Variants in SYNJ2 observed in about 807,000 individuals in gnomAD.
The protein encoded by SYNJ2 is polyphosphatidylinositol phosphatase SYNJ2.
In SYNJ2, 116 loss-of-function variants were observed where a neutral mutation model predicts 141.3. That is an observed-to-expected ratio of 0.82 (90% CI 0.71 to 0.96). The LOEUF is 0.96. Among genes scored for constraint, SYNJ2 ranks in the 40% least tolerant of loss-of-function variants. SYNJ2 has a pLI of 0.00. For synonymous variants in SYNJ2, 745 were observed against 777.7 expected (o/e 0.96, Z 0.70); for missense variants, 1,873 against 1,934.8 (o/e 0.97, Z 0.60).
chr6:158,052,094 C>A (rs1307855744), intron 5 of SYNJ2, among the ~76,000 whole-genome samples: 1 of 152,200 alleles, frequency 6.6e-6, no homozygotes, highest in Non-Finnish European at 1.5e-5. Flanking sequence ...GTTGTATCAC[C>A]TGCAGTGTTG....
intron 2 of SYNJ2, among the ~76,000 whole-genome samples, chr6:158,021,059 G>A (rs1047056902): frequency 1.3e-5 from 2 of 152,148 alleles, no homozygotes; most frequent in Non-Finnish European, 2.9e-5. Context: ...ACAATACAAA[G>A]CATATTAAGT....
At chr6:158,055,482 A>G (rs1353331914) in intron 6 of SYNJ2, among the ~76,000 whole-genome samples, 2 of 151,466 alleles carry the variant, frequency 1.3e-5, no homozygotes, top group Non-Finnish European at 2.9e-5. Flanking sequence ...ATGTCATTCT[A>G]GAAAACAATT....
In SYNJ2 at chr6:158,029,180, T is replaced by C. The variant is rs551090258; in HGVS notation, c.485+154T>C. 2.7e-5 allele frequency: 28 copies of C among 1,025,154 alleles called. No individual in the cohort carries two copies. The East Asian group carries it at 6.8e-4, about 25-fold the overall frequency. The allele number at this position is 1,025,154 out of a possible 1,614,324, so 63.5% of individuals were successfully genotyped here. ...GGACCCAGGCCTGCTCTCAGCACAA[T>C]GAGAGGAAAACTAACCCTGAACTCC... On this transcript the variant is annotated intron_variant, in intron 3 of 26. Coordinates refer to ENST00000355585, the MANE Select transcript of SYNJ2 (RefSeq NM_003898.4).
chr6:158,045,583 C>A (rs141625796), intron 5 of SYNJ2, among the ~76,000 whole-genome samples: 54 of 151,730 alleles, frequency 3.6e-4, no homozygotes, highest in African/African-American at 1.2e-3. Flanking sequence ...GTGTGACTCA[C>A]CCTCAGTCCT....
chr6:158,060,415 C>T (rs1207947592), intron 7 of SYNJ2, among the ~76,000 whole-genome samples: 1 of 152,202 alleles, frequency 6.6e-6, no homozygotes, highest in Non-Finnish European at 1.5e-5. Flanking sequence ...TTACCAGCCT[C>T]CATGTCCCCT....
intron 8 of SYNJ2, among the ~76,000 whole-genome samples, chr6:158,063,557 G>A (rs1781355307): frequency 6.6e-6 from 1 of 150,654 alleles, no homozygotes; most frequent in East Asian, 2.0e-4. Context: ...TACTTGGAAG[G>A]CTGAGACAGG....
chr6:158,016,953 C>G (rs1051710477), intron 1 of SYNJ2: 3 of 1,186,484 alleles, frequency 2.5e-6, no homozygotes, highest in African/African-American at 1.6e-5. Flanking sequence ...CCCAGGACCC[C>G]AGCTCCTCCA....
At chr6:158,090,018 C>A in intron 25 of SYNJ2, 71 bp downstream of exon 25, 1 of 1,066,380 alleles carries the variant, frequency 9.4e-7, no homozygotes. Flanking sequence ...TAAAAGTGGT[C>A]TAGAAACGAA....
Position 157,982,000 on chromosome 6 carries a change from G to T in SYNJ2, c.39G>T (p.Leu13=). The part of the protein sequence containing the change: ...LSKGLRLLGR[L]GAEGDCSVLL... The stretch of plus-strand genomic sequence containing the variant: ...AAGGGCTGCGGCTGCTGGGGCGCCT[G>T]GGGGCCGAGGGGGACTGTAGCGTGC... The change falls in exon 1 of 27, where the codon CTG becomes CTT. Residue 13 remains leucine (L), a synonymous_variant. Transcript: ENST00000355585. This position sits in a 1 kb window ranked among gnomAD's most constrained non-coding sequence, Gnocchi z 6.4. The T allele has an allele frequency of 2.3e-6, 3 of 1,284,796 alleles. No homozygotes were observed. Among genetic ancestry groups the T allele is most frequent in the Non-Finnish European group, 2.9e-6 (3 of 1,017,238 alleles). The allele number at this position is 1,284,796 out of a possible 1,614,324, so 79.6% of individuals were successfully genotyped here. A position where few individuals can be genotyped will look rare whatever the true frequency, so the allele number is the denominator to read the frequency against.
At chr6:158,005,856 C>T (rs949786842) in intron 1 of SYNJ2, among the ~76,000 whole-genome samples, 7 of 152,154 alleles carry the variant, frequency 4.6e-5, no homozygotes, top group Non-Finnish European at 8.8e-5. Context: ...TGGCTCCCTG[C>T]ACCACCACTA....
chr6:158,048,740 T>C (rs981917536), intron 5 of SYNJ2, among the ~76,000 whole-genome samples: 1 of 152,034 alleles, frequency 6.6e-6, no homozygotes, highest in African/African-American at 2.4e-5. Context: ...CAGGGAGCTT[T>C]GGTTTGTAGC....
chr6:157,993,797 G>GTTTTTTTTTTTTT (rs61529071), intron 1 of SYNJ2, among the ~76,000 whole-genome samples: 1 of 47,944 alleles, frequency 2.1e-5, no homozygotes, highest in Non-Finnish European at 3.7e-5. Flanking sequence ...AAATGTGTGG[G>GTTTTTTTTTTTTT]TTTTTTTTTT....
chr6:158,072,302 C>A (rs1781985190), intron 15 of SYNJ2, among the ~76,000 whole-genome samples: 2 of 152,218 alleles, frequency 1.3e-5, no homozygotes, highest in South Asian at 4.1e-4. Flanking sequence ...TCCTGCCTGT[C>A]CTCGAAGCTG....
chr6:158,010,940 T>A (rs1778242904), intron 1 of SYNJ2, among the ~76,000 whole-genome samples: 1 of 129,308 alleles, frequency 7.7e-6, no homozygotes, highest in South Asian at 2.5e-4. Context: ...GGGGAGAGGA[T>A]GGCCTTGGGA....
chr6:157,989,909 G>GGGT (rs1554228298), intron 1 of SYNJ2, among the ~76,000 whole-genome samples: 1 of 89,816 alleles, frequency 1.1e-5, no homozygotes, highest in Admixed American at 1.1e-4. Context: ...GGGCTTTTCT[G>GGGT]GGGGGGGCTA....
rs140222592 is a variant in SYNJ2, at chr6:158,044,563, GA to G, written c.795+1167del. On this transcript the variant is annotated intron_variant, in intron 5 of 26. Coordinates refer to ENST00000355585, the MANE Select transcript of SYNJ2 (RefSeq NM_003898.4). Reference sequence around the variant, plus strand: ...CGCTCCTGAGGACAGCTGTGACACAGAAACTCCTCCGGAGGGCTGCCCAAAG... The same window carrying G: ...CGCTCCTGAGGACAGCTGTGACACAGAACTCCTCCGGAGGGCTGCCCAAAG... Among the ~76,000 whole-genome samples, 293 of 152,338 alleles carry G rather than the reference GA, an allele frequency of 1.9e-3. 1 individual carries two copies. The highest frequency in any genetic ancestry group is 6.7e-3 in the African/African-American group (278 of 41,572).
chr6:158,093,799 C>G, intron 26 of SYNJ2: 1 of 713,254 alleles, frequency 1.4e-6, no homozygotes, highest in East Asian at 2.5e-5. Flanking sequence ...AAAACAGTAA[C>G]CGATTCCCAG....
chr6:157,989,354 G>GAGGCTCCACCTCCAGTGGA (rs1162383794), intron 1 of SYNJ2, among the ~76,000 whole-genome samples: 15 of 150,142 alleles, frequency 1.0e-4, no homozygotes, highest in Non-Finnish European at 1.8e-4. Context: ...GAACTTGCCT[G>GAGGCTCCACCTCCAGTGGA]AGGCTCCACC....
intron 3 of SYNJ2, 89 bp downstream of exon 3, chr6:158,029,115 T>A (rs1379117745): frequency 2.0e-6 from 3 of 1,517,764 alleles, no homozygotes; most frequent in Non-Finnish European, 2.7e-6. Flanking sequence ...TGACCTCCAC[T>A]TGCACCACCC....
Sources: allele counts gnomAD v4.1 joint callset (sites outside exome capture counted in the v4.1 genomes callset), GRCh38; gene constraint gnomAD v4.1.1; non-coding constraint Gnocchi (gnomAD v3.1); transcripts MANE v1.5; gene names NCBI Gene and HGNC (gene_info 2026-07-23, HGNC 2026-07-21).